BBX: variants seen among roughly 807,000 people sequenced by gnomAD.
BBX encodes the protein HMG box transcription factor BBX.
In BBX, 30 loss-of-function variants were observed where a neutral mutation model predicts 100.2. That is an observed-to-expected ratio of 0.30 (90% CI 0.22 to 0.41). The LOEUF (loss-of-function observed/expected upper bound fraction) is 0.41, where lower values mean the gene tolerates loss of function less well. Among genes scored for constraint, BBX ranks in the 10% least tolerant of loss-of-function variants. The probability of loss-of-function intolerance (pLI) is 1.00; values close to 1 mark genes in which losing one functional copy is unlikely to be tolerated. For missense variants in BBX, 1,023 were observed against 1,129.8 expected (o/e 0.91, Z 1.35); for synonymous variants, 376 against 388.1 (o/e 0.97, Z 0.37).
chr3:107,584,631 G>A (rs1429919930), intron 2 of BBX, among the ~76,000 whole-genome samples: 2 of 147,816 alleles, frequency 1.4e-5, no homozygotes, highest in African/African-American at 5.0e-5. Flanking sequence ...ACTTTATGGG[G>A]TGGGGAAGGC....
chr3:107,541,575 A>G (rs928929452), intron 2 of BBX, among the ~76,000 whole-genome samples: 2 of 152,218 alleles, frequency 1.3e-5, no homozygotes, highest in Non-Finnish European at 1.5e-5. Flanking sequence ...TTAAATGTAT[A>G]GTGACCACAT....
Position 107,627,564 on chromosome 3 carries a change from A to G in BBX, c.-83-18272A>G, listed in dbSNP as rs75235153. On this transcript the variant is annotated intron_variant, in intron 2 of 17. Transcript: ENST00000325805. ...CTCTTTAATTTGATTACCACCTAGC[A>G]TGTAATCATTGAAGAAGAATAATGC... Among the ~76,000 whole-genome samples, 1,169 of 152,332 alleles carry G rather than the reference A, an allele frequency of 7.7e-3. 13 individuals carry two copies. Among genetic ancestry groups the G allele is most frequent in the African/African-American group, 0.025 (1,054 of 41,568 alleles).
intron 3 of BBX, among the ~76,000 whole-genome samples, chr3:107,693,555 T>C (rs1396865206): frequency 6.6e-6 from 1 of 151,758 alleles, no homozygotes; most frequent in African/African-American, 2.4e-5. Flanking sequence ...TCCATTGATC[T>C]GTATCTCTGT....
At chr3:107,734,011 T>G (rs1394737716) in intron 7 of BBX, among the ~76,000 whole-genome samples, 2 of 152,154 alleles carry the variant, frequency 1.3e-5, no homozygotes, top group African/African-American at 4.8e-5. Context: ...GAGATGGAAA[T>G]TTTTCAATCC....
At chr3:107,562,924 A>G (rs554059896) in intron 2 of BBX, among the ~76,000 whole-genome samples, 5 of 152,228 alleles carry the variant, frequency 3.3e-5, no homozygotes, top group Non-Finnish European at 5.9e-5. Context: ...AGTATAAGCC[A>G]GTGGTCTTCT....
At chr3:107,656,351 C>G (rs1277161431) in intron 3 of BBX, among the ~76,000 whole-genome samples, 2 of 152,066 alleles carry the variant, frequency 1.3e-5, no homozygotes. Context: ...AACTTGTTTT[C>G]AAGGTATTTT....
At position 107,795,036 on chromosome 3, in the gene BBX, G is replaced by A. The variant is rs368111207; in HGVS notation, c.2354-3487G>A. ...CCAGTGGATTTGTTCTGAAGTGTTC[G>A]GGTAGTTTTGTGTGCTCAATTAAAA... is the stretch of plus-strand genomic sequence containing the variant. On this transcript the variant is annotated intron_variant, in intron 15 of 17. Coordinates refer to ENST00000325805, the MANE Select transcript of BBX (RefSeq NM_001142568.3). 1.6e-3 allele frequency among the ~76,000 whole-genome samples: 242 copies of A among 152,252 alleles called. 6 individuals carry two copies. The South Asian group carries it at 0.049, about 31-fold the overall frequency.
intron 5 of BBX, among the ~76,000 whole-genome samples, chr3:107,719,883 T>G (rs1323459268): frequency 6.6e-6 from 1 of 152,090 alleles, no homozygotes; most frequent in East Asian, 1.9e-4. Context: ...ATTTGTCATT[T>G]AAACTAATTA....
intron 3 of BBX, among the ~76,000 whole-genome samples, chr3:107,692,195 TTTATTTA>T (rs2060219591): frequency 6.6e-6 from 1 of 150,388 alleles, no homozygotes; most frequent in African/African-American, 2.4e-5. Context: ...TATTTATTTA[TTTATTTA>T]TTATTATTAT....
rs555641675 is a variant in BBX, at chr3:107,624,883, T to G, written c.-83-20953T>G. 3.3e-5 allele frequency among the ~76,000 whole-genome samples: 5 copies of G among 152,102 alleles called. No individual in the cohort carries two copies. In the South Asian group the frequency reaches 6.2e-4, roughly 19 times the overall value. ...GACTCCATATCAAAAAAAGAAAAAATAAAAAGTAGTTTACTTAGGAGAATA... is the reference window on the plus strand; with the variant it reads ...GACTCCATATCAAAAAAAGAAAAAAGAAAAAGTAGTTTACTTAGGAGAATA... On this transcript the variant is annotated intron_variant, in intron 2 of 17. Transcript: ENST00000325805.
At chr3:107,553,040 G>A (rs757722659) in intron 2 of BBX, among the ~76,000 whole-genome samples, 2 of 152,196 alleles carry the variant, frequency 1.3e-5, no homozygotes, top group Non-Finnish European at 2.9e-5. Flanking sequence ...GGTGTTAACA[G>A]TGATCTCAGG....
chr3:107,787,696 C>T (rs546938334), intron 13 of BBX, among the ~76,000 whole-genome samples: 99 of 152,200 alleles, frequency 6.5e-4, no homozygotes, highest in Admixed American at 1.2e-3. Context: ...TGTGAGGGAA[C>T]GGGAGATCAA....
chr3:107,625,634 G>A (rs972310217), intron 2 of BBX, among the ~76,000 whole-genome samples: 1 of 151,954 alleles, frequency 6.6e-6, no homozygotes, highest in African/African-American at 2.4e-5. Flanking sequence ...TTATTTTTTT[G>A]TATGTCCAGA....
chr3:107,733,334 T>C (rs1413323357), intron 7 of BBX, among the ~76,000 whole-genome samples: 1 of 152,178 alleles, frequency 6.6e-6, no homozygotes, highest in Non-Finnish European at 1.5e-5. Flanking sequence ...GGTGCTGTAA[T>C]TCATTTATTC....
intron 2 of BBX, among the ~76,000 whole-genome samples, chr3:107,580,941 T>A (rs2052234081): frequency 6.6e-6 from 1 of 152,218 alleles, no homozygotes; most frequent in South Asian, 2.1e-4. Context: ...CAGTCAATAT[T>A]TTTAATAAGA....
chr3:107,648,525 C>T (rs558416549), intron 3 of BBX, among the ~76,000 whole-genome samples: 40 of 152,168 alleles, frequency 2.6e-4, no homozygotes, highest in African/African-American at 4.1e-4. Flanking sequence ...ATGGGTACTT[C>T]GCTTTTTCCA....
intron 2 of BBX, among the ~76,000 whole-genome samples, chr3:107,633,924 C>G (rs567628099): frequency 3.9e-4 from 60 of 152,302 alleles, no homozygotes; most frequent in Middle Eastern, 3.4e-3. Context: ...ATAACCTCTC[C>G]ATAGTCCTTA....
intron 3 of BBX, among the ~76,000 whole-genome samples, chr3:107,692,971 T>C (rs2108094481): frequency 6.7e-6 from 1 of 150,004 alleles, no homozygotes; most frequent in South Asian, 2.1e-4. Context: ...TTTTTTCATG[T>C]GTTTTTTGGC....
At chr3:107,718,304 AATT>A (rs1445076271) in intron 5 of BBX, among the ~76,000 whole-genome samples, 1 of 148,002 alleles carries the variant, frequency 6.8e-6, no homozygotes, top group African/African-American at 2.4e-5. Context: ...GTATTAATAT[AATT>A]ATAATAATTA....
Sources: gnomAD v4.1 joint callset for allele counts (sites outside exome capture counted in the v4.1 genomes callset) on GRCh38, gnomAD v4.1.1 for gene constraint, MANE v1.5 for transcripts, NCBI Gene and HGNC (gene_info 2026-07-23, HGNC 2026-07-21) for gene names.